Variants in SV2A observed in about 807,000 individuals in gnomAD.
The protein encoded by SV2A is solute carrier family 22 member B1.
SV2A carries 25 observed loss-of-function variants against 78.0 expected under a neutral mutation model. The observed-to-expected ratio is 0.32, with a 90% confidence interval of 0.23 to 0.45. The LOEUF is 0.45. SV2A is among the 20% of genes least tolerant of loss of function. The probability of loss-of-function intolerance (pLI) is 1.00; values close to 1 mark genes in which losing one functional copy is unlikely to be tolerated. For missense variants in SV2A, 752 were observed against 971.5 expected, an observed-to-expected ratio of 0.77 and a Z score of 3.00; for synonymous variants, 355 against 384.7, an observed-to-expected ratio of 0.92 and a Z score of 0.90.
chr1:149,911,050 C>T (rs188694943), intron 3 of SV2A, 73 bp from the exon 4 acceptor site: 16 of 1,531,152 alleles, frequency 1.0e-5, no homozygotes, highest in Non-Finnish European at 1.3e-5. Context: ...TGCTCTGGAC[C>T]CCGAGCCCCT....
In SV2A at chr1:149,906,768, C is replaced by T. The variant is rs1553762824; in HGVS notation, c.1767G>A (p.Gly589=). 1.2e-6 allele frequency: 2 copies of T among 1,614,224 alleles called. No individual in the cohort carries two copies. Among genetic ancestry groups the T allele is most frequent in the African/African-American group, 1.3e-5 (1 of 75,052 alleles). The change falls in exon 11 of 13, where the codon GGG becomes GGA. Residue 589 remains glycine, a synonymous_variant. Transcript: ENST00000369146. ...ATACCATGTAGGCACCTTCGCCCGT[C>T]CCTGTCACGTCTAGCGGGCAGCCCT... ...NKEGCPLDVT[G]TGEGAYMVYF... is the part of the protein sequence containing the mutation.
intron 11 of SV2A, 76 bp downstream of exon 11, chr1:149,906,574 A>T: frequency 6.7e-7 from 1 of 1,488,366 alleles, no homozygotes; most frequent in Admixed American, 1.7e-5. Context: ...CCACAGCCCA[A>T]GGTGAGAAGC....
intron 10 of SV2A, 90 bp downstream of exon 10, chr1:149,907,610 A>G: frequency 6.8e-7 from 1 of 1,473,596 alleles, no homozygotes; most frequent in Non-Finnish European, 9.0e-7. Flanking sequence ...TCTCAGCTTG[A>G]GAACCCTAAG....
At position 149,904,832 on chromosome 1, in the gene SV2A, C is replaced by T; in HGVS notation, c.*182G>A. On this transcript the variant is annotated 3_prime_UTR_variant, in exon 13 of 13. Coordinates refer to ENST00000369146, the MANE Select transcript of SV2A (RefSeq NM_014849.5). Reference sequence around the variant, plus strand: ...TCAAAACTGGGATGAAGGAGCCTTCCCTGTAGTCCCTGCCCACGGGGTTTA... The same window carrying T: ...TCAAAACTGGGATGAAGGAGCCTTCTCTGTAGTCCCTGCCCACGGGGTTTA... The T allele has an allele frequency of 1.6e-6, 1 of 629,478 alleles. No individual in the cohort carries two copies. Among genetic ancestry groups the T allele is most frequent in the Non-Finnish European group, 2.7e-6 (1 of 375,102 alleles). 39.0% of individuals were successfully genotyped at this position (629,478 alleles called of 1,614,324 possible).
In SV2A at chr1:149,910,980, G is replaced by A. The variant is rs2101621116; in HGVS notation, c.804-3C>T. On this transcript the variant is annotated splice_region_variant and splice_polypyrimidine_tract_variant and intron_variant, in intron 3 of 12. Transcript: ENST00000369146. The surrounding 1 kb of genome is among the most constrained non-coding windows in gnomAD (Gnocchi z 4.2). ...CAATGGGGATGGACCCTCCAATCCT[G>A]AAGTGCATTTCAAGAATTCAGCATT... The A allele has an allele frequency of 6.2e-7, 1 of 1,612,692 alleles. No individual in the cohort carries two copies. Among genetic ancestry groups the A allele is most frequent in the Non-Finnish European group, 8.5e-7 (1 of 1,179,392 alleles).
chr1:149,913,246 G>A lies in SV2A; in HGVS notation c.595C>T (p.Leu199=). 1 of 1,614,040 alleles carries A rather than the reference G, an allele frequency of 6.2e-7. No homozygotes were observed. Among genetic ancestry groups the A allele is most frequent in the Non-Finnish European group, 8.5e-7 (1 of 1,180,024 alleles). The change falls in exon 2 of 13, where the codon CTG becomes TTG. Residue 199 remains leucine (L), a synonymous_variant. Transcript: ENST00000369146. ...VLPSAEKDMC[L]SDSNKGMLGL... is the part of the protein sequence containing the mutation. ...AGCATGCCTTTGTTGGAGTCGGACA[G>A]GCACATGTCTTTCTCAGCGCTGGGC... is the stretch of plus-strand genomic sequence containing the variant.
At position 149,909,548 on chromosome 1, in the gene SV2A, A is replaced by G; in HGVS notation, c.1203T>C (p.His401=). Reference sequence around the variant, plus strand: ...GGATCTCAATCAATTCATCCTCCTGATGAATCGTCTTAATGTGGGTTACCT... The same window carrying G: ...GGATCTCAATCAATTCATCCTCCTGGTGAATCGTCTTAATGTGGGTTACCT... ...VFSVTHIKTI[H]QEDELIEIQS... The change falls in exon 7 of 13, where the codon CAT becomes CAC. Residue 401 remains histidine, a synonymous_variant. Transcript: ENST00000369146. The G allele has an allele frequency of 6.2e-7, 1 of 1,613,950 alleles. No individual in the cohort carries two copies. Among genetic ancestry groups the G allele is most frequent in the Non-Finnish European group, 8.5e-7 (1 of 1,179,980 alleles).
intron 7 of SV2A, 90 bp downstream of exon 7, chr1:149,909,371 C>T: frequency 2.6e-6 from 4 of 1,551,300 alleles, no homozygotes; most frequent in Non-Finnish European, 3.6e-6. Context: ...CTCCCTTCAG[C>T]TCACCCATCA....
At chr1:149,911,743 A>T (rs1453632980) in intron 3 of SV2A, 57 bp downstream of exon 3, 10 of 1,552,654 alleles carry the variant, frequency 6.4e-6, no homozygotes, top group Non-Finnish European at 8.8e-6. Flanking sequence ...CCCTAAAGAT[A>T]CAACAGTGAC....
In SV2A at chr1:149,904,718, G is replaced by A. The variant is rs1205852079; in HGVS notation, c.*296C>T. The A allele has an allele frequency of 1.9e-5, 6 of 314,578 alleles. No homozygotes were observed. The Admixed American group carries it at 2.7e-4, about 14-fold the overall frequency. 19.5% of individuals were successfully genotyped at this position (314,578 alleles called of 1,614,324 possible). A position where few individuals can be genotyped will look rare whatever the true frequency, so the allele number is the denominator to read the frequency against. The stretch of plus-strand genomic sequence containing the variant: ...GAACCCCTGGAACAGGGAAGCAAGG[G>A]CCCCTCTCTAACAGGGGGAGAAGGA... On this transcript the variant is annotated 3_prime_UTR_variant, in exon 13 of 13. Transcript: ENST00000369146.
chr1:149,916,061 T>C (rs2092511713), intron 1 of SV2A, among the ~76,000 whole-genome samples: 1 of 152,166 alleles, frequency 6.6e-6, no homozygotes, highest in Non-Finnish European at 1.5e-5. Context: ...TGTCACCTTT[T>C]CTTCATGGTT....
rs587604203 is a variant in SV2A, at chr1:149,904,076, T to C, written c.*938A>G. The C allele has an allele frequency of 2.6e-5, 4 of 152,936 alleles. No individual in the cohort carries two copies. The East Asian group carries it at 7.7e-4, about 30-fold the overall frequency. 9.5% of individuals were successfully genotyped at this position (152,936 alleles called of 1,614,324 possible). ...GCAGCTGTGCTATTCCCGCCTGTGC[T>C]GTAGTGGGTGGAGCCTCTCACTCCA... On this transcript the variant is annotated 3_prime_UTR_variant, in exon 13 of 13. Coordinates refer to ENST00000369146, the MANE Select transcript of SV2A (RefSeq NM_014849.5).
At chr1:149,911,191 A>G (rs2092473243) in intron 3 of SV2A, among the ~76,000 whole-genome samples, 1 of 152,204 alleles carries the variant, frequency 6.6e-6, no homozygotes, top group African/African-American at 2.4e-5. Flanking sequence ...GGAAAGGGAA[A>G]GAGCAAATCT....
intron 11 of SV2A, 122 bp downstream of exon 11, chr1:149,906,528 G>T: frequency 9.2e-7 from 1 of 1,083,498 alleles, no homozygotes; most frequent in Non-Finnish European, 1.3e-6. Context: ...CCCCTAAACA[G>T]AAAACATGAG....
Position 149,906,021 on chromosome 1 carries a change from G to A in SV2A, c.1904C>T (p.Ser635Phe). Reference protein sequence around the residue: ...LRMLAGSSVMSCVSCFFLSFG... With the variant: ...LRMLAGSSVMFCVSCFFLSFG... Reference sequence around the variant, plus strand: ...AGACAGGAAGAAGCAGGAGACACAGGACATCACGCTGGAGCCAGCTGGAGC... The same window carrying A: ...AGACAGGAAGAAGCAGGAGACACAGAACATCACGCTGGAGCCAGCTGGAGC... Residue 635 changes from serine to phenylalanine, a missense_variant, in exon 12 of 13, where the codon TCC becomes TTC. Physicochemically the swap from Ser to Phe is radical, Grantham distance 155 (BLOSUM62 -2). Around this residue, in one of 7 missense-constraint regions of SV2A, gnomAD observed 186 missense variants for 274.6 expected, o/e 0.68. Transcript: ENST00000369146. 1 of 1,614,166 alleles carries A rather than the reference G, an allele frequency of 6.2e-7. No homozygotes were observed. Among genetic ancestry groups the A allele is most frequent in the South Asian group, 1.1e-5 (1 of 91,068 alleles).
intron 2 of SV2A, 25 bp from the exon 3 acceptor site, chr1:149,912,005 G>A: frequency 6.2e-7 from 1 of 1,605,588 alleles, no homozygotes; most frequent in South Asian, 1.1e-5. Flanking sequence ...AAAACAGGCA[G>A]AGGGGGTGTG....
Position 149,904,733 on chromosome 1 carries a change from G to C in SV2A, c.*281C>G, listed in dbSNP as rs782509463. 1.4e-5 allele frequency: 5 copies of C among 353,344 alleles called. No homozygotes were observed. The highest frequency in any genetic ancestry group is 2.1e-5 in the Non-Finnish European group (4 of 193,872). 21.9% of individuals were successfully genotyped at this position (353,344 alleles called of 1,614,324 possible). ...GGAAGCAAGGGCCCCTCTCTAACAG[G>C]GGGAGAAGGATGGGGCTCAGCCTTC... On this transcript the variant is annotated 3_prime_UTR_variant, in exon 13 of 13. Coordinates refer to ENST00000369146, the MANE Select transcript of SV2A (RefSeq NM_014849.5).
chr1:149,904,264 G>T lies in SV2A; in HGVS notation c.*750C>A, dbSNP rs1411201407. The T allele has an allele frequency of 6.5e-6, 1 of 152,752 alleles. No individual in the cohort carries two copies. Among genetic ancestry groups the T allele is most frequent in the Non-Finnish European group, 1.5e-5 (1 of 68,096 alleles). The allele number at this position is 152,752 out of a possible 1,614,324, so 9.5% of individuals were successfully genotyped here. A position where few individuals can be genotyped will look rare whatever the true frequency, so the allele number is the denominator to read the frequency against. On this transcript the variant is annotated 3_prime_UTR_variant, in exon 13 of 13. Coordinates refer to ENST00000369146, the MANE Select transcript of SV2A (RefSeq NM_014849.5). ...GGGAGGAACTGTGGGAGGCAGGGTT[G>T]TGTGTGCATCCGCTGAAATTACCCT...
intron 11 of SV2A, 112 bp from the exon 12 acceptor site, chr1:149,906,151 GAAGGTATCCAACC>G: frequency 3.0e-6 from 4 of 1,316,680 alleles, no homozygotes; most frequent in Non-Finnish European, 4.1e-6. Context: ...GACTTGTTCC[GAAGGTATCCAACC>G]AAGGTATCCA....
Sources: allele counts gnomAD v4.1 joint callset (sites outside exome capture counted in the v4.1 genomes callset), GRCh38; gene constraint gnomAD v4.1.1; regional missense constraint gnomAD v4.1.1; non-coding constraint Gnocchi (gnomAD v3.1); transcripts MANE v1.5; gene names NCBI Gene and HGNC (gene_info 2026-07-23, HGNC 2026-07-21).